The following KAZN variants were observed in gnomAD, a reference collection of about 807,000 sequenced individuals.
KAZN encodes kazrin, periplakin interacting protein.
KAZN carries 40 observed loss-of-function variants against 87.4 expected under a neutral mutation model. The ratio of observed to expected loss-of-function variants is 0.46; its 90% CI spans 0.36 to 0.60. KAZN has a LOEUF of 0.60. Among genes scored for constraint, KAZN ranks in the 20% least tolerant of loss-of-function variants. KAZN has a pLI of 0.00. For missense variants in KAZN, 898 were observed against 1,073.9 expected (o/e 0.84, Z 2.29); for synonymous variants, 466 against 458.3 (o/e 1.02, Z -0.22).
In KAZN at chr1:14,599,638, C is replaced by T. The variant is rs1013264853; in HGVS notation, c.226+415C>T. 3.9e-5 allele frequency among the ~76,000 whole-genome samples: 6 copies of T among 152,180 alleles called. No homozygotes were observed. The highest frequency in any genetic ancestry group is 2.6e-4 in the Admixed American group (4 of 15,290). ...TTAGGCTCCTTCCCAGAGAGAGCTC[C>T]GGGCTCTGCCGCCGTGGTTGGGATA... On this transcript the variant is annotated intron_variant, in intron 1 of 14. Coordinates refer to ENST00000376030, the MANE Select transcript of KAZN (RefSeq NM_201628.3). This position sits in a 1 kb window ranked among gnomAD's most constrained non-coding sequence, Gnocchi z 4.4.
intron 1 of KAZN, among the ~76,000 whole-genome samples, chr1:14,665,200 T>C (rs28468693): frequency 6.6e-6 from 1 of 152,094 alleles, no homozygotes; most frequent in East Asian, 1.9e-4. Context: ...CTGCGGACAA[T>C]GGGGTATTCA....
In KAZN at chr1:14,676,541, C is replaced by G. The variant is rs151167906; in HGVS notation, c.226+77318C>G. On this transcript the variant is annotated intron_variant, in intron 1 of 14. Coordinates refer to ENST00000376030, the MANE Select transcript of KAZN (RefSeq NM_201628.3). ...ATGAATGGGAGCTAAAAAGTGGAGACAACCCAAATGTCCATGAGTTGATGA... is the reference window on the plus strand; with the variant it reads ...ATGAATGGGAGCTAAAAAGTGGAGAGAACCCAAATGTCCATGAGTTGATGA... Among the ~76,000 whole-genome samples, 664 of 152,294 alleles carry G rather than the reference C, an allele frequency of 4.4e-3. 6 individuals carry two copies. Among genetic ancestry groups the G allele is most frequent in the African/African-American group, 0.014 (588 of 41,556 alleles).
At chr1:14,270,582 C>T (rs1391329843) in intron 2 of KAZN, among the ~76,000 whole-genome samples, 1 of 152,168 alleles carries the variant, frequency 6.6e-6, no homozygotes, top group Non-Finnish European at 1.5e-5. Context: ...AAGTTGGCTC[C>T]TCTTCCTCCT....
chr1:14,395,803 G>T (rs1430682945), intron 2 of KAZN, among the ~76,000 whole-genome samples: 1 of 152,070 alleles, frequency 6.6e-6, no homozygotes, highest in Non-Finnish European at 1.5e-5. Flanking sequence ...AACAGCAGGG[G>T]GCACCAAACA....
intron 1 of KAZN, among the ~76,000 whole-genome samples, chr1:14,901,483 C>A (rs2101264238): frequency 6.6e-6 from 1 of 152,080 alleles, no homozygotes; most frequent in East Asian, 1.9e-4. Context: ...AGGGGAGTCA[C>A]ATGGTCTGAG....
chr1:13,927,368 TA>T (rs1557725720), intron 1 of KAZN, among the ~76,000 whole-genome samples: 2 of 152,176 alleles, frequency 1.3e-5, no homozygotes, highest in Non-Finnish European at 2.9e-5. Flanking sequence ...AGAGAGGGCT[TA>T]AAATGGGGCC....
rs529577049 is a variant in KAZN at position 13,928,896 on chromosome 1, C to T, written c.91+35140C>T. On this transcript the variant is annotated intron_variant, in intron 1 of 16. Coordinates refer to the KAZN transcript ENST00000636203. ...ATTTTGGAGAAAGAGCTCTAACAGG[C>T]GATAGATTCTAATCTTTGTTGTGTG... Among the ~76,000 whole-genome samples the T allele has an allele frequency of 3.3e-5, 5 of 151,128 alleles. No homozygotes were observed. In the East Asian group the frequency reaches 9.7e-4, roughly 29 times the overall value.
chr1:14,817,063 CCT>C (rs1458850772), intron 1 of KAZN, among the ~76,000 whole-genome samples: 1 of 152,230 alleles, frequency 6.6e-6, no homozygotes, highest in Non-Finnish European at 1.5e-5. Flanking sequence ...CGCCCTCCTG[CCT>C]CTCAATGGGT....
intron 2 of KAZN, among the ~76,000 whole-genome samples, chr1:14,508,190 A>AAG (rs1326175419): frequency 9.2e-5 from 14 of 152,182 alleles, no homozygotes; most frequent in African/African-American, 3.1e-4. Flanking sequence ...GTGCTACCCC[A>AAG]AGAGAGCCTA....
chr1:14,317,998 A>G (rs1425741357), intron 2 of KAZN, among the ~76,000 whole-genome samples: 1 of 152,012 alleles, frequency 6.6e-6, no homozygotes, highest in Non-Finnish European at 1.5e-5. Flanking sequence ...ACCTTATAAG[A>G]AAATTCTTTT....
At chr1:14,497,460 A>G (rs968451797) in intron 2 of KAZN, among the ~76,000 whole-genome samples, 1 of 152,138 alleles carries the variant, frequency 6.6e-6, no homozygotes, top group African/African-American at 2.4e-5. Context: ...ATTTCACAAA[A>G]GTAAATCAGA....
chr1:14,863,775 C>A (rs1163150150), intron 1 of KAZN, among the ~76,000 whole-genome samples: 1 of 152,016 alleles, frequency 6.6e-6, no homozygotes, highest in Non-Finnish European at 1.5e-5. Flanking sequence ...CACGGGGGAT[C>A]AGCTTGAACT....
In KAZN at chr1:14,416,978, ATGTGTATATATATG is replaced by A. The variant is rs1664827448; in HGVS notation, c.250-181997_250-181984del. Reference sequence around the variant, plus strand: ...TGTATGTGTGTATACATATGTATATATGTGTATATATATGTGTGTATGTATATATATGTACACAC... The same window carrying A: ...TGTATGTGTGTATACATATGTATATATGTGTATGTATATATATGTACACAC... On this transcript the variant is annotated intron_variant, in intron 2 of 16. Transcript: ENST00000636203. Among the ~76,000 whole-genome samples, 3 of 139,936 alleles carry A rather than the reference ATGTGTATATATATG, an allele frequency of 2.1e-5. No homozygotes were observed. In the East Asian group the frequency reaches 6.4e-4, roughly 30 times the overall value. 91.8% of individuals were successfully genotyped at this position (139,936 alleles called of 152,430 possible).
chr1:13,919,259 T>C (rs1639974456), intron 1 of KAZN, among the ~76,000 whole-genome samples: 1 of 152,222 alleles, frequency 6.6e-6, no homozygotes, highest in Admixed American at 6.5e-5. Flanking sequence ...CTTCTTCCAA[T>C]ATAGTGTAGT....
chr1:14,947,827 G>A (rs1662012616), intron 1 of KAZN, among the ~76,000 whole-genome samples: 2 of 152,236 alleles, frequency 1.3e-5, no homozygotes, highest in African/African-American at 4.8e-5. Context: ...ACCCTCAGGT[G>A]AACCCCAGTG....
intron 2 of KAZN, among the ~76,000 whole-genome samples, chr1:14,241,689 G>A (rs1201715484): frequency 6.6e-6 from 1 of 152,138 alleles, no homozygotes; most frequent in African/African-American, 2.4e-5. Flanking sequence ...CACAGATGAG[G>A]AGAGAGAGGC....
chr1:14,137,234 C>T (rs1029197038), intron 1 of KAZN, among the ~76,000 whole-genome samples: 2 of 152,208 alleles, frequency 1.3e-5, no homozygotes, highest in Non-Finnish European at 2.9e-5. Context: ...GATGGTCAGG[C>T]AGGTGCACAC....
intron 1 of KAZN, among the ~76,000 whole-genome samples, chr1:14,043,402 T>C (rs1641922495): frequency 6.6e-6 from 1 of 152,244 alleles, no homozygotes; most frequent in Admixed American, 6.5e-5. Context: ...TAAACGTGGG[T>C]GTACAAATAT....
At chr1:14,616,431 C>T (rs1252189762) in intron 1 of KAZN, among the ~76,000 whole-genome samples, 1 of 151,218 alleles carries the variant, frequency 6.6e-6, no homozygotes, top group Non-Finnish European at 1.5e-5. Context: ...GAGTTTATGG[C>T]TTGGTCTGAC....
Sources: allele counts gnomAD v4.1 joint callset (sites outside exome capture counted in the v4.1 genomes callset), GRCh38; gene constraint gnomAD v4.1.1; non-coding constraint Gnocchi (gnomAD v3.1); transcripts MANE v1.5; gene names NCBI Gene and HGNC (gene_info 2026-07-23, HGNC 2026-07-21).